TRAK2: variants seen among roughly 807,000 people sequenced by gnomAD.
The protein encoded by TRAK2 is trafficking kinesin-binding protein 2.
Under a neutral mutation model 104.6 loss-of-function variants are expected in TRAK2, and 81 were observed. The observed-to-expected ratio is 0.77, with a 90% confidence interval of 0.65 to 0.93. TRAK2 has a LOEUF of 0.93. Among genes scored for constraint, TRAK2 ranks in the 40% least tolerant of loss-of-function variants. The pLI, the probability that TRAK2 is intolerant of heterozygous loss-of-function variation, is 0.00. For synonymous variants in TRAK2, 406 were observed against 394.4 expected, an observed-to-expected ratio of 1.03 and a Z score of -0.35; for missense variants, 1,002 against 1,089.0, an observed-to-expected ratio of 0.92 and a Z score of 1.12.
At chr2:201,435,497 C>T (rs1008552799) in intron 1 of TRAK2, among the ~76,000 whole-genome samples, 1 of 152,220 alleles carries the variant, frequency 6.6e-6, no homozygotes, top group Admixed American at 6.5e-5. Flanking sequence ...TCACATCTAA[C>T]ACTGCAAAAG....
chr2:201,415,466 C>T (rs1466391366), intron 2 of TRAK2, among the ~76,000 whole-genome samples: 1 of 151,980 alleles, frequency 6.6e-6, no homozygotes, highest in Non-Finnish European at 1.5e-5. Context: ...TTTTTTATAT[C>T]CTCTATTTTT....
chr2:201,381,021 T>C lies in TRAK2; in HGVS notation c.2267A>G (p.His756Arg). 6 of 1,614,092 alleles carry C rather than the reference T, an allele frequency of 3.7e-6. No homozygotes were observed. Among genetic ancestry groups the C allele is most frequent in the Non-Finnish European group, 5.1e-6 (6 of 1,179,996 alleles). Residue 756 changes from histidine to arginine, a missense_variant, in exon 16 of 16, where the codon CAC becomes CGC. His to Arg is a conservative substitution (Grantham distance 29, BLOSUM62 0). Transcript: ENST00000332624. Reference protein sequence around the residue: ...QERGISAKVYHSPISENPLQP... With the variant: ...QERGISAKVYRSPISENPLQP... ...GAGGGGGTTCTCTGAAATTGGGCTG[T>C]GGTACACTTTGGCAGAGATGCCTCG...
rs200887498 is a variant in TRAK2, at chr2:201,389,397, T to C, written c.1300A>G (p.Ser434Gly). ...LLPIPGSNRS[S>G]VIMTAKPFES... ...AAAGGTTTTGCTGTCATGATGACACTTGAACGGTTGGAGCCTGGAATGGGT... is the reference window on the plus strand; with the variant it reads ...AAAGGTTTTGCTGTCATGATGACACCTGAACGGTTGGAGCCTGGAATGGGT... The change falls in exon 12 of 16, where the codon AGT becomes GGT. Residue 434 changes from serine to glycine, a missense_variant. Coordinates refer to ENST00000332624, the MANE Select transcript of TRAK2 (RefSeq NM_015049.3). 6.2e-7 allele frequency: 1 copy of C among 1,614,164 alleles called. No homozygotes were observed. The highest frequency in any genetic ancestry group is 1.3e-5 in the African/African-American group (1 of 75,056).
chr2:201,397,672 T>C, intron 6 of TRAK2, 92 bp from the exon 7 acceptor site: 1 of 930,830 alleles, frequency 1.1e-6, no homozygotes. Flanking sequence ...AAGACTAAAT[T>C]TCATCACTTA....
intron 2 of TRAK2, chr2:201,411,420 GT>G: frequency 1.3e-6 from 1 of 745,394 alleles, no homozygotes; most frequent in South Asian, 1.3e-5. Context: ...CCCAATATTT[GT>G]AACTTTTGTC....
At position 201,413,184 on chromosome 2, in the gene TRAK2, C is replaced by A. The variant is rs1951662847; in HGVS notation, c.92-5587G>T. 1.4e-5 allele frequency: 21 copies of A among 1,516,622 alleles called. No homozygotes were observed. In the East Asian group the frequency reaches 4.7e-4, roughly 34 times the overall value. 93.9% of individuals were successfully genotyped at this position (1,516,622 alleles called of 1,614,324 possible). A position where few individuals can be genotyped will look rare whatever the true frequency, so the allele number is the denominator to read the frequency against. ...AAAAATCTTCCAAGCTAGCCCACTG[C>A]CACCACTGGCAATGTGCTGACCAAC... On this transcript the variant is annotated intron_variant, in intron 2 of 15. Coordinates refer to ENST00000332624, the MANE Select transcript of TRAK2 (RefSeq NM_015049.3).
At chr2:201,399,867 ATATTTGTTGAAAGCAATTGTG>A (rs1951534979) in intron 4 of TRAK2, among the ~76,000 whole-genome samples, 1 of 152,052 alleles carries the variant, frequency 6.6e-6, no homozygotes, top group Non-Finnish European at 1.5e-5. Context: ...AGCTCAACAA[ATATTTGTTGAAAGCAATTGTG>A]TATCAAGCAT....
chr2:201,387,290 C>T (rs895959841), intron 13 of TRAK2, among the ~76,000 whole-genome samples: 4 of 152,082 alleles, frequency 2.6e-5, no homozygotes, highest in Admixed American at 1.3e-4. Context: ...TACACACACA[C>T]CTCTAAGTCA....
intron 1 of TRAK2, among the ~76,000 whole-genome samples, chr2:201,429,538 T>C (rs1951822602): frequency 6.6e-6 from 1 of 152,248 alleles, no homozygotes; most frequent in Admixed American, 6.5e-5. Flanking sequence ...CAGTCCCATA[T>C]GCCCTGGAGG....
chr2:201,399,475 G>C lies in TRAK2; in HGVS notation c.382C>G (p.Leu128Val). Residue 128 changes from leucine (L) to valine (V), a missense_variant, in exon 5 of 16, where the codon CTC (leucine) becomes GTC (valine). Transcript: ENST00000332624. ...LLAERDRDLE[L>V]AARIGQALLK... ...AGAGCTTGTCCAATTCGAGCAGCGA[G>C]TTCCAGATCACGATCCCTCTGTTAA... The C allele has an allele frequency of 6.2e-7, 1 of 1,612,424 alleles. No individual in the cohort carries two copies. The highest frequency in any genetic ancestry group is 8.5e-7 in the Non-Finnish European group (1 of 1,178,722).
intron 14 of TRAK2, among the ~76,000 whole-genome samples, chr2:201,384,670 T>G (rs950033258): frequency 6.6e-6 from 1 of 152,196 alleles, no homozygotes; most frequent in African/African-American, 2.4e-5. Flanking sequence ...GAAGGCAAAA[T>G]TGATGGCTCC....
chr2:201,415,409 A>G (rs1404020360), intron 2 of TRAK2, among the ~76,000 whole-genome samples: 1 of 152,240 alleles, frequency 6.6e-6, no homozygotes, highest in Non-Finnish European at 1.5e-5. Flanking sequence ...ATGAGTCAAC[A>G]GAAACAGACC....
chr2:201,400,531 T>G (rs1951542232), intron 4 of TRAK2, among the ~76,000 whole-genome samples: 2 of 151,854 alleles, frequency 1.3e-5, no homozygotes, highest in Admixed American at 6.6e-5. Context: ...CTGAAACAGG[T>G]ACAAAGGGAG....
At chr2:201,435,019 T>C (rs990050364) in intron 1 of TRAK2, among the ~76,000 whole-genome samples, 3 of 152,186 alleles carry the variant, frequency 2.0e-5, no homozygotes, top group African/African-American at 7.2e-5. Flanking sequence ...CTCAAACAGG[T>C]AGACTTCAGT....
At chr2:201,425,505 G>A (rs976538081) in intron 1 of TRAK2, among the ~76,000 whole-genome samples, 32 of 152,152 alleles carry the variant, frequency 2.1e-4, no homozygotes, top group Admixed American at 1.9e-3. Flanking sequence ...AGGTTCAAGC[G>A]ATTCTCCTAC....
intron 1 of TRAK2, among the ~76,000 whole-genome samples, chr2:201,434,520 T>A (rs1036274120): frequency 2.0e-5 from 3 of 152,096 alleles, no homozygotes; most frequent in Non-Finnish European, 4.4e-5. Flanking sequence ...ACTTTGTCCC[T>A]ATCCATAAAG....
At chr2:201,421,519 T>C (rs1951740221) in intron 1 of TRAK2, among the ~76,000 whole-genome samples, 1 of 152,084 alleles carries the variant, frequency 6.6e-6, no homozygotes, top group African/African-American at 2.4e-5. Flanking sequence ...CCAGACCCTC[T>C]CCAGCTTTAT....
At chr2:201,406,010 T>C (rs1021556164) in intron 3 of TRAK2, among the ~76,000 whole-genome samples, 1 of 152,072 alleles carries the variant, frequency 6.6e-6, no homozygotes, top group African/African-American at 2.4e-5. Flanking sequence ...AAGAAAGTTC[T>C]CAGAAATTTA....
At chr2:201,384,646 G>C (rs1951372306) in intron 14 of TRAK2, among the ~76,000 whole-genome samples, 2 of 152,114 alleles carry the variant, frequency 1.3e-5, no homozygotes, top group African/African-American at 2.4e-5. Flanking sequence ...TGCACTGCTG[G>C]TGCAAAAGCA....
Sources: gnomAD v4.1 joint callset for allele counts (sites outside exome capture counted in the v4.1 genomes callset) on GRCh38, gnomAD v4.1.1 for gene constraint, MANE v1.5 for transcripts, NCBI Gene and HGNC (gene_info 2026-07-23, HGNC 2026-07-21) for gene names.